SRGAP3: variants seen among roughly 807,000 people sequenced by gnomAD.
SRGAP3 encodes the protein SLIT-ROBO Rho GTPase activating protein 3.
A neutral mutation model predicts 121.1 loss-of-function variants in SRGAP3; 39 were observed. The ratio of observed to expected loss-of-function variants is 0.32; its 90% CI spans 0.25 to 0.42. The LOEUF is 0.42. Among genes scored for constraint, SRGAP3 ranks in the 10% least tolerant of loss-of-function variants. The probability of loss-of-function intolerance (pLI) is 1.00; values close to 1 mark genes in which losing one functional copy is unlikely to be tolerated. For missense variants in SRGAP3, 1,213 were observed against 1,470.6 expected (o/e 0.82, Z 2.86); for synonymous variants, 601 against 570.0 (o/e 1.05, Z -0.77).
intron 1 of SRGAP3, among the ~76,000 whole-genome samples, chr3:9,177,137 C>A (rs1951207159): frequency 1.3e-5 from 2 of 152,176 alleles, no homozygotes; most frequent in African/African-American, 2.4e-5. Flanking sequence ...CAAGGGCACA[C>A]ATTCACTCAC....
At chr3:9,152,308 T>C (rs1187837752) in intron 1 of SRGAP3, among the ~76,000 whole-genome samples, 1 of 152,236 alleles carries the variant, frequency 6.6e-6, no homozygotes, top group African/African-American at 2.4e-5. Context: ...CTCCAGCGAC[T>C]GGACCAGGAA....
chr3:9,148,687 G>A (rs1477283556), intron 1 of SRGAP3, among the ~76,000 whole-genome samples: 1 of 152,136 alleles, frequency 6.6e-6, no homozygotes, highest in African/African-American at 2.4e-5. Flanking sequence ...TGGGGCCTGG[G>A]ACATGGGGCC....
chr3:9,210,579 C>T (rs966775263), intron 1 of SRGAP3, among the ~76,000 whole-genome samples: 2 of 152,138 alleles, frequency 1.3e-5, no homozygotes, highest in African/African-American at 4.8e-5. Context: ...AATCCCAGCA[C>T]TTTGGGAGGC....
intron 15 of SRGAP3, 189 bp from the exon 16 acceptor site, chr3:9,014,031 C>A (rs1943508525): frequency 3.0e-6 from 2 of 662,122 alleles, no homozygotes; most frequent in Admixed American, 2.1e-5. Flanking sequence ...CAGGGAGGGG[C>A]TGGAGGTGTG....
intron 1 of SRGAP3, among the ~76,000 whole-genome samples, chr3:9,156,993 T>C (rs140044094): frequency 1.8e-3 from 267 of 152,358 alleles, no homozygotes; most frequent in African/African-American, 6.0e-3. Context: ...ATTCCAAGTA[T>C]AGATCCATGG....
chr3:9,302,162 T>C (rs1416385523), intron 3 of SRGAP3, among the ~76,000 whole-genome samples: 2 of 152,172 alleles, frequency 1.3e-5, no homozygotes, highest in Admixed American at 1.3e-4. Flanking sequence ...GATGGGAAAC[T>C]TAGTGAGCCC....
chr3:9,060,702 G>A (rs376460128), intron 5 of SRGAP3, among the ~76,000 whole-genome samples: 4 of 151,932 alleles, frequency 2.6e-5, no homozygotes, highest in East Asian at 1.9e-4. Flanking sequence ...AGCCTCCCAA[G>A]TGTTGGGATT....
At chr3:8,990,365 A>G (rs946097158) in intron 21 of SRGAP3, 147 bp downstream of exon 21, 1 of 1,041,404 alleles carries the variant, frequency 9.6e-7, no homozygotes, top group Non-Finnish European at 1.4e-6. Flanking sequence ...AAGCCCAGCA[A>G]GGGACGGGGA....
chr3:9,172,636 T>C (rs1045892117), intron 1 of SRGAP3, among the ~76,000 whole-genome samples: 7 of 152,152 alleles, frequency 4.6e-5, no homozygotes, highest in Non-Finnish European at 2.9e-5. Flanking sequence ...GGGCTGGCCA[T>C]GGTGAAATGT....
chr3:9,361,083 T>C (rs958719312), intron 1 of SRGAP3, among the ~76,000 whole-genome samples: 2 of 152,196 alleles, frequency 1.3e-5, no homozygotes, highest in South Asian at 4.1e-4. Context: ...TGGAGAAATA[T>C]CTATTCAAGC....
At chr3:9,208,672 G>C (rs746900448) in intron 1 of SRGAP3, among the ~76,000 whole-genome samples, 3 of 152,138 alleles carry the variant, frequency 2.0e-5, no homozygotes, top group Non-Finnish European at 4.4e-5. Flanking sequence ...TCCCCTTATT[G>C]GTCAGTGCTA....
intron 1 of SRGAP3, among the ~76,000 whole-genome samples, chr3:9,128,422 A>G (rs1488001504): frequency 6.6e-6 from 1 of 152,270 alleles, no homozygotes; most frequent in Non-Finnish European, 1.5e-5. Context: ...ACTTTCAAGC[A>G]TAAAATATGT....
chr3:9,031,503 T>G (rs1944479906), intron 12 of SRGAP3, among the ~76,000 whole-genome samples: 1 of 152,170 alleles, frequency 6.6e-6, no homozygotes, highest in Non-Finnish European at 1.5e-5. Flanking sequence ...CCCTGGGCAG[T>G]CCCAACTTGG....
Position 9,057,066 on chromosome 3 carries a change from TTTG to T in SRGAP3, c.1024-735_1024-733del, listed in dbSNP as rs541570763. Among the ~76,000 whole-genome samples the T allele has an allele frequency of 2.0e-3, 310 of 151,516 alleles. 1 individual carries two copies. Among genetic ancestry groups the T allele is most frequent in the African/African-American group, 7.2e-3 (298 of 41,416 alleles). On this transcript the variant is annotated intron_variant, in intron 7 of 21. Coordinates refer to ENST00000383836, the MANE Select transcript of SRGAP3 (RefSeq NM_014850.4). ...CCAGCTATTTTTTGTTTATTTGCTG[TTTG>T]TTTGTTTGTTTTTTGTTGTTGTTGT...
intron 1 of SRGAP3, among the ~76,000 whole-genome samples, chr3:9,142,736 G>A (rs183718407): frequency 1.2e-3 from 182 of 151,514 alleles, no homozygotes; most frequent in Non-Finnish European, 1.3e-3. Context: ...CAAGCCCTGG[G>A]ACTTAAATTC....
At chr3:9,119,631 G>A (rs1398068283) in intron 2 of SRGAP3, among the ~76,000 whole-genome samples, 1 of 152,214 alleles carries the variant, frequency 6.6e-6, no homozygotes, top group East Asian at 1.9e-4. Flanking sequence ...CTAGGGCTGA[G>A]ACAGCTTTGG....
chr3:9,197,991 A>G (rs935453515), intron 1 of SRGAP3, among the ~76,000 whole-genome samples: 2 of 152,206 alleles, frequency 1.3e-5, no homozygotes, highest in Non-Finnish European at 2.9e-5. Context: ...TACAAAAACT[A>G]TCCTATTGTA....
chr3:9,154,661 G>A (rs538186113), intron 1 of SRGAP3, among the ~76,000 whole-genome samples: 48 of 152,276 alleles, frequency 3.2e-4, no homozygotes, highest in Middle Eastern at 6.8e-3. Flanking sequence ...CGGGCTGAGC[G>A]GCCAACTGAA....
chr3:8,988,820 C>G (rs953240560), intron 21 of SRGAP3, among the ~76,000 whole-genome samples: 1 of 152,178 alleles, frequency 6.6e-6, no homozygotes, highest in Non-Finnish European at 1.5e-5. Flanking sequence ...CTACCTAGAT[C>G]CCTCACATGC....
Sources: allele counts gnomAD v4.1 joint callset (sites outside exome capture counted in the v4.1 genomes callset), GRCh38; gene constraint gnomAD v4.1.1; transcripts MANE v1.5; gene names NCBI Gene and HGNC (gene_info 2026-07-23, HGNC 2026-07-21).